Variants in SLC10A2 observed in about 807,000 individuals in gnomAD.
SLC10A2 encodes the protein ileal sodium/bile acid cotransporter.
SLC10A2 carries 34 observed loss-of-function variants against 27.1 expected under a neutral mutation model. The ratio of observed to expected loss-of-function variants is 1.26; its 90% CI spans 0.96 to 1.67. The LOEUF (loss-of-function observed/expected upper bound fraction) is 1.67. Ranked by LOEUF, SLC10A2 falls within the 40% of genes most tolerant of loss-of-function variation. SLC10A2 has a pLI of 0.00. For missense variants in SLC10A2, 530 were observed against 444.4 expected (o/e 1.19, Z -1.73); for synonymous variants, 205 against 174.0 (o/e 1.18, Z -1.40).
intron 2 of SLC10A2, among the ~76,000 whole-genome samples, chr13:103,056,251 C>T (rs1875934356): frequency 6.6e-6 from 1 of 152,214 alleles, no homozygotes; most frequent in Non-Finnish European, 1.5e-5. Flanking sequence ...TATTCTGTTT[C>T]TGAATAAATA....
At chr13:103,053,593 C>T (rs1023739846) in intron 2 of SLC10A2, among the ~76,000 whole-genome samples, 1 of 152,084 alleles carries the variant, frequency 6.6e-6, no homozygotes, top group African/African-American at 2.4e-5. Context: ...CCTTTTAAAG[C>T]AGTATAAGAA....
chr13:103,047,725 A>T (rs1875653035), intron 5 of SLC10A2, among the ~76,000 whole-genome samples: 1 of 152,252 alleles, frequency 6.6e-6, no homozygotes, highest in African/African-American at 2.4e-5. Flanking sequence ...GACCGAGTTG[A>T]GTGCTCCCTT....
At chr13:103,049,940 G>A (rs1424927129) in intron 4 of SLC10A2, among the ~76,000 whole-genome samples, 2 of 152,090 alleles carry the variant, frequency 1.3e-5, no homozygotes, top group Non-Finnish European at 2.9e-5. Context: ...CAGGTGTCCA[G>A]GAGTTCAAGA....
Position 103,066,032 on chromosome 13 carries a change from A to G in SLC10A2, c.218T>C (p.Leu73Pro). Residue 73 changes from leucine to proline, a missense_variant, in exon 1 of 6, where the codon CTC (leucine) becomes CCC (proline). By Grantham distance (98) the Leu-to-Pro change is moderately conservative (BLOSUM62 -3). Transcript: ENST00000245312. ...KRPWGICVGFLCQFGIMPLTG... is the reference protein window; with the variant it reads ...KRPWGICVGFPCQFGIMPLTG... ...GAGGGGCATGATTCCAAACTGACAG[A>G]GGAAGCCAACACAAATGCCCCACGG... is the stretch of plus-strand genomic sequence containing the variant. The G allele has an allele frequency of 6.2e-7, 1 of 1,614,170 alleles. No homozygotes were observed. The highest frequency in any genetic ancestry group is 2.2e-5 in the East Asian group (1 of 44,882).
rs139024168 is a variant in SLC10A2 at position 103,049,339 on chromosome 13, G to C, written c.869C>G (p.Pro290Arg). Reference protein sequence around the residue: ...PEELNVVFTFPLIYSIFQLAF... With the variant: ...PEELNVVFTFRLIYSIFQLAF... ...GAGCTGGAAAATGCTGTAGATGAGC[G>C]GGAAGGTGAATACGACATTGAGCTC... is the stretch of plus-strand genomic sequence containing the variant. The change falls in exon 5 of 6, where the codon CCG (proline) becomes CGG (arginine). Residue 290 changes from proline to arginine, a missense_variant. By Grantham distance (103) the Pro-to-Arg change is moderately radical. Transcript: ENST00000245312. 9.9e-6 allele frequency: 16 copies of C among 1,613,834 alleles called. No individual in the cohort carries two copies. The highest frequency in any genetic ancestry group is 3.3e-5 in the Admixed American group (2 of 59,984).
chr13:103,048,627 T>C (rs1875681713), intron 5 of SLC10A2, among the ~76,000 whole-genome samples: 1 of 152,060 alleles, frequency 6.6e-6, no homozygotes, highest in Admixed American at 6.5e-5. Flanking sequence ...TTATCAGCCC[T>C]TGGAAAGGAA....
At chr13:103,060,305 A>C (rs1337072572) in intron 1 of SLC10A2, among the ~76,000 whole-genome samples, 7 of 151,960 alleles carry the variant, frequency 4.6e-5, no homozygotes, top group Admixed American at 4.6e-4. Flanking sequence ...AAATGGCTGT[A>C]AGGATAGAAT....
chr13:103,059,055 C>CT (rs1321873660), intron 1 of SLC10A2, among the ~76,000 whole-genome samples: 6 of 152,200 alleles, frequency 3.9e-5, no homozygotes, highest in Non-Finnish European at 7.3e-5. Context: ...AATGGATGAA[C>CT]TAATTTACAC....
chr13:103,051,259 G>A lies in SLC10A2; in HGVS notation c.759C>T (p.Tyr253=), dbSNP rs150229163. Residue 253 remains tyrosine (Y), a splice_region_variant and synonymous_variant, in exon 4 of 6, where the codon TAC becomes TAT. Transcript: ENST00000245312. ...ATGTGATTTACTAAATGCCATACCT[G>A]TACCAGGGTAGACCAGCAATTCTAG... is the stretch of plus-strand genomic sequence containing the variant. ...LLARIAGLPW[Y]RCRTVAFETG... The A allele has an allele frequency of 4.3e-6, 7 of 1,613,646 alleles. No individual in the cohort carries two copies. The highest frequency in any genetic ancestry group is 5.9e-6 in the Non-Finnish European group (7 of 1,179,878).
In SLC10A2 at chr13:103,049,368, A is replaced by G; in HGVS notation, c.840T>C (p.Pro280=). The G allele has an allele frequency of 6.2e-7, 1 of 1,614,014 alleles. No individual in the cohort carries two copies. Among genetic ancestry groups the G allele is most frequent in the Non-Finnish European group, 8.5e-7 (1 of 1,179,900 alleles). ...AGGTGAATACGACATTGAGCTCCTCAGGAGTGAAGGAGAGCTGAACGATGG... is the reference window on the plus strand; with the variant it reads ...AGGTGAATACGACATTGAGCTCCTCGGGAGTGAAGGAGAGCTGAACGATGG... ...CSTIVQLSFT[P]EELNVVFTFP... is the part of the protein sequence containing the mutation. The change falls in exon 5 of 6, where the codon CCT becomes CCC. Residue 280 remains proline, a synonymous_variant. Transcript: ENST00000245312.
At position 103,052,690 on chromosome 13, in the gene SLC10A2, A is replaced by G. The variant is rs764173717; in HGVS notation, c.515T>C (p.Leu172Pro). ...YDNIGTSLVSLVVPVSIGMFV... is the reference protein window; with the variant it reads ...YDNIGTSLVSPVVPVSIGMFV... ...CATTCCAATGGAAACAGGAACAACGAGAGAAACCAGAGATGTACCTAAAGA... is the reference window on the plus strand; with the variant it reads ...CATTCCAATGGAAACAGGAACAACGGGAGAAACCAGAGATGTACCTAAAGA... The change falls in exon 3 of 6, where the codon CTC (leucine) becomes CCC (proline). Residue 172 changes from leucine (L) to proline (P), a missense_variant. By Grantham distance (98) the Leu-to-Pro change is moderately conservative (BLOSUM62 -3). Transcript: ENST00000245312. 6.7e-5 allele frequency: 107 copies of G among 1,606,158 alleles called. 1 individual carries two copies. The Middle Eastern group carries it at 1.2e-3, about 17-fold the overall frequency.
chr13:103,063,208 AT>A (rs57664561), intron 1 of SLC10A2, among the ~76,000 whole-genome samples: 3,735 of 149,968 alleles, frequency 0.025, 69 homozygotes, highest in Middle Eastern at 0.054. Context: ...ACTATTGTCT[AT>A]TTTTTTTTTG....
chr13:103,065,491 C>G (rs1595443850), intron 1 of SLC10A2, among the ~76,000 whole-genome samples: 1 of 152,064 alleles, frequency 6.6e-6, no homozygotes, highest in Non-Finnish European at 1.5e-5. Flanking sequence ...GCACCCAGAG[C>G]TCCTCATCAT....
intron 2 of SLC10A2, among the ~76,000 whole-genome samples, chr13:103,056,633 G>A (rs279916): frequency 0.44 from 67,089 of 151,692 alleles, 15,264 homozygotes; most frequent in Non-Finnish European, 0.51. Context: ...CACCACTCAC[G>A]TAAACTATGG....
At chr13:103,058,412 C>A (rs746192086) in intron 1 of SLC10A2, 30 bp from the exon 2 acceptor site, 1 of 1,274,716 alleles carries the variant, frequency 7.8e-7, no homozygotes, top group Admixed American at 1.7e-5. Context: ...TTGATACATC[C>A]ACCTGTGGTG....
chr13:103,050,216 A>AT (rs1181559429), intron 4 of SLC10A2, among the ~76,000 whole-genome samples: 1 of 152,178 alleles, frequency 6.6e-6, no homozygotes. Flanking sequence ...TATTGTCCCC[A>AT]TTCTACAGAT....
chr13:103,063,441 A>G (rs1243087460), intron 1 of SLC10A2, among the ~76,000 whole-genome samples: 1 of 152,202 alleles, frequency 6.6e-6, no homozygotes, highest in African/African-American at 2.4e-5. Context: ...CTGGAGTTCA[A>G]GTGGAGATGG....
At position 103,046,014 on chromosome 13, in the gene SLC10A2, T is replaced by C; in HGVS notation, c.*119A>G. The C allele has an allele frequency of 1.6e-6, 2 of 1,275,842 alleles. No homozygotes were observed. The highest frequency in any genetic ancestry group is 2.2e-6 in the Non-Finnish European group (2 of 891,164). The allele number at this position is 1,275,842 out of a possible 1,614,324, so 79.0% of individuals were successfully genotyped here. A position where few individuals can be genotyped will look rare whatever the true frequency, so the allele number is the denominator to read the frequency against. The stretch of plus-strand genomic sequence containing the variant: ...ACTGAAACCAATACATGAATTCCAA[T>C]GAAATTCCAATTTTCACTTTAACTC... On this transcript the variant is annotated 3_prime_UTR_variant, in exon 6 of 6. Transcript: ENST00000245312.
Position 103,052,645 on chromosome 13 carries a change from G to A in SLC10A2, c.560C>T (p.Pro187Leu), listed in dbSNP as rs201929731. 158 of 1,611,146 alleles carry A rather than the reference G, an allele frequency of 9.8e-5. No individual in the cohort carries two copies. The highest frequency in any genetic ancestry group is 4.9e-4 in the Middle Eastern group (3 of 6,072). The change falls in exon 3 of 6, where the codon CCC becomes CTC. Residue 187 changes from proline (P) to leucine (L), a missense_variant. Coordinates refer to ENST00000245312, the MANE Select transcript of SLC10A2 (RefSeq NM_000452.3). The part of the protein sequence containing the change: ...SIGMFVNHKW[P>L]QKAKIILKIG... ...TTTAAGTATGATCTTTGCTTTTTGG[G>A]GCCATTTGTGATTAACAAACATTCC...
Sources: gnomAD v4.1 joint callset for allele counts (sites outside exome capture counted in the v4.1 genomes callset) on GRCh38, gnomAD v4.1.1 for gene constraint, MANE v1.5 for transcripts, NCBI Gene and HGNC (gene_info 2026-07-23, HGNC 2026-07-21) for gene names.